INTS7: variants seen among roughly 807,000 people sequenced by gnomAD.
INTS7 encodes integrator complex subunit 7.
INTS7 carries 46 observed loss-of-function variants against 109.2 expected under a neutral mutation model. The ratio of observed to expected loss-of-function variants is 0.42; its 90% CI spans 0.33 to 0.54. The LOEUF (loss-of-function observed/expected upper bound fraction) is 0.54. Among genes scored for constraint, INTS7 ranks in the 20% least tolerant of loss-of-function variants. The pLI is 0.07. For missense variants in INTS7, 929 were observed against 1,132.4 expected (o/e 0.82, Z 2.58); for synonymous variants, 412 against 402.9 (o/e 1.02, Z -0.27).
intron 13 of INTS7, among the ~76,000 whole-genome samples, chr1:211,974,026 C>T (rs901703551): frequency 6.6e-6 from 1 of 151,982 alleles, no homozygotes; most frequent in African/African-American, 2.4e-5. Flanking sequence ...CCACACAAAT[C>T]ATTAAACAAG....
intron 16 of INTS7, among the ~76,000 whole-genome samples, chr1:211,954,334 C>G (rs1663258139): frequency 6.6e-6 from 1 of 152,198 alleles, no homozygotes; most frequent in East Asian, 1.9e-4. Flanking sequence ...AATTTTCTCC[C>G]ATTCTGTAGG....
Position 211,946,584 on chromosome 1 carries a change from C to A in INTS7, c.2415+23G>T. On this transcript the variant is annotated intron_variant, in intron 18 of 19. Transcript: ENST00000366994. The surrounding 1 kb of genome is among the most constrained non-coding windows in gnomAD (Gnocchi z 4.3). ...CACCTGGTTTTAAAACCTATATTAA[C>A]CTTAGTATTCTTCCTGTATTACCTT... 1 of 1,385,724 alleles carries A rather than the reference C, an allele frequency of 7.2e-7. No individual in the cohort carries two copies. The highest frequency in any genetic ancestry group is 1.0e-6 in the Non-Finnish European group (1 of 973,208). The allele number at this position is 1,385,724 out of a possible 1,614,324, so 85.8% of individuals were successfully genotyped here. A position where few individuals can be genotyped will look rare whatever the true frequency, so the allele number is the denominator to read the frequency against.
In INTS7 at chr1:212,021,156, G is replaced by C; in HGVS notation, c.151C>G (p.Leu51Val). The change falls in exon 2 of 20, where the codon CTT becomes GTT. Residue 51 changes from leucine to valine, a missense_variant. This residue lies in a region of INTS7 where 142 missense variants were observed against 231.4 expected (regional missense o/e 0.61). Coordinates refer to ENST00000366994, the MANE Select transcript of INTS7 (RefSeq NM_015434.4). ...ATAGGGAATGGATACTTCTGAAAAA[G>C]TCTGGGAAAGCGAACAACTGCTTCA... ...QCEAVVRFPRLFQKYPFPILI... is the reference protein window; with the variant it reads ...QCEAVVRFPRVFQKYPFPILI... 1 of 1,612,962 alleles carries C rather than the reference G, an allele frequency of 6.2e-7. No individual in the cohort carries two copies.
chr1:211,954,085 T>C (rs529421504), intron 16 of INTS7, among the ~76,000 whole-genome samples: 3,131 of 152,270 alleles, frequency 0.021, 116 homozygotes, highest in African/African-American at 0.07. Context: ...TTTTAATGAT[T>C]GCCATTCTAA....
At chr1:211,968,432 T>C in intron 14 of INTS7, 81 bp downstream of exon 14, 2 of 1,226,648 alleles carry the variant, frequency 1.6e-6, no homozygotes, top group Non-Finnish European at 2.3e-6. Flanking sequence ...ACCACTGATT[T>C]TATATTTTAC....
chr1:211,999,950 C>A (rs531109946), intron 7 of INTS7, among the ~76,000 whole-genome samples: 5 of 151,838 alleles, frequency 3.3e-5, no homozygotes, highest in African/African-American at 7.3e-5. Flanking sequence ...ACTAAAAATA[C>A]AAAAATTAGC....
At chr1:211,993,396 C>G (rs1252203441) in intron 7 of INTS7, among the ~76,000 whole-genome samples, 3 of 152,134 alleles carry the variant, frequency 2.0e-5, no homozygotes, top group African/African-American at 2.4e-5. Context: ...AGTAAGACTA[C>G]AGGCCAGGTG....
At chr1:212,027,152 C>A (rs1372945419) in intron 1 of INTS7, among the ~76,000 whole-genome samples, 1 of 152,082 alleles carries the variant, frequency 6.6e-6, no homozygotes, top group Non-Finnish European at 1.5e-5. Context: ...CAGGCTGGCT[C>A]CGAAGGACAG....
chr1:211,956,731 A>G (rs1303977905), intron 16 of INTS7, among the ~76,000 whole-genome samples: 1 of 152,100 alleles, frequency 6.6e-6, no homozygotes, highest in African/African-American at 2.4e-5. Flanking sequence ...GAGGGCACGC[A>G]TGGTTTCTGT....
In INTS7 at chr1:211,944,872, C is replaced by G. The variant is rs776964221; in HGVS notation, c.2513G>C (p.Gly838Ala). ...ALKVEGVVQH[G>A]SKPGLFRKIQ... ...TTTGCGGAAGAGTCCTGGTTTAGAT[C>G]CGTGCTGAACCACTCCCTCTACCTT... Residue 838 changes from glycine (G) to alanine (A), a missense_variant, in exon 19 of 20, where the codon GGA becomes GCA. By Grantham distance (60) the Gly-to-Ala change is moderately conservative (BLOSUM62 0). Transcript: ENST00000366994. 16 of 1,614,020 alleles carry G rather than the reference C, an allele frequency of 9.9e-6. No homozygotes were observed. The South Asian group carries it at 1.6e-4, about 17-fold the overall frequency.
At chr1:211,945,223 C>T (rs1053840150) in intron 18 of INTS7, among the ~76,000 whole-genome samples, 1 of 152,162 alleles carries the variant, frequency 6.6e-6, no homozygotes, top group African/African-American at 2.4e-5. Flanking sequence ...AGCAAAGGCA[C>T]TATTCTCCCA....
chr1:211,992,014 T>C (rs1373089184), intron 7 of INTS7, among the ~76,000 whole-genome samples: 1 of 152,210 alleles, frequency 6.6e-6, no homozygotes, highest in Non-Finnish European at 1.5e-5. Context: ...TAAAAGCAGA[T>C]ATAGATGCTG....
At position 212,007,289 on chromosome 1, in the gene INTS7, A is replaced by G. The variant is rs1665972321; in HGVS notation, c.717T>C (p.Thr239=). The change falls in exon 6 of 20, where the codon ACT becomes ACC. Residue 239 remains threonine, a synonymous_variant. Coordinates refer to ENST00000366994, the MANE Select transcript of INTS7 (RefSeq NM_015434.4). ...KMVIVSLHTF[T]LLAASSLVDT... ...CAACCAAAGATGACGCTGCAAGCAG[A>G]GTGAAAGTGTGCAAAGACACAATCA... The G allele has an allele frequency of 2.5e-6, 4 of 1,613,876 alleles. No homozygotes were observed. The highest frequency in any genetic ancestry group is 1.3e-5 in the African/African-American group (1 of 74,906).
At chr1:211,952,500 T>A in intron 17 of INTS7, 69 bp downstream of exon 17, 1 of 1,500,916 alleles carries the variant, frequency 6.7e-7, no homozygotes, top group Non-Finnish European at 9.1e-7. Context: ...ACTCACACAG[T>A]AAGTGCCATA....
intron 8 of INTS7, among the ~76,000 whole-genome samples, chr1:211,983,618 T>G (rs558671026): frequency 2.6e-4 from 39 of 152,180 alleles, no homozygotes; most frequent in Non-Finnish European, 5.4e-4. Context: ...CATTCCTGTC[T>G]TCTTTTCCTC....
intron 10 of INTS7, among the ~76,000 whole-genome samples, chr1:211,978,895 A>G (rs181821313): frequency 1.3e-5 from 2 of 152,306 alleles, no homozygotes; most frequent in Non-Finnish European, 2.9e-5. Flanking sequence ...CATCTCCCAG[A>G]ATGAAAATAA....
At chr1:211,953,101 T>A (rs929449612) in intron 16 of INTS7, among the ~76,000 whole-genome samples, 1 of 152,142 alleles carries the variant, frequency 6.6e-6, no homozygotes. Context: ...GGTCAGAACA[T>A]GGAGGAATGT....
At position 211,944,780 on chromosome 1, in the gene INTS7, T is replaced by G. The variant is rs757227258; in HGVS notation, c.2601+4A>C. On this transcript the variant is annotated splice_donor_region_variant and intron_variant, in intron 19 of 19. Transcript: ENST00000366994. ...ATCACAATTCTGCCTCTTTTCTAAA[T>G]TACCTTGTAGTCTTGTCCAGATTTA... 1 of 1,611,004 alleles carries G rather than the reference T, an allele frequency of 6.2e-7. No individual in the cohort carries two copies.
At chr1:211,965,985 T>C (rs1018929585) in intron 16 of INTS7, 1 of 154,772 alleles carries the variant, frequency 6.5e-6, no homozygotes, top group Non-Finnish European at 1.4e-5. Context: ...GAGAATACTA[T>C]AATAGGAAAA....
Sources: allele counts gnomAD v4.1 joint callset (sites outside exome capture counted in the v4.1 genomes callset), GRCh38; gene constraint gnomAD v4.1.1; regional missense constraint gnomAD v4.1.1; non-coding constraint Gnocchi (gnomAD v3.1); transcripts MANE v1.5; gene names NCBI Gene and HGNC (gene_info 2026-07-23, HGNC 2026-07-21).